PARN: variants seen among roughly 807,000 people sequenced by gnomAD.
PARN encodes the protein poly(A)-specific ribonuclease.
In PARN, 71 loss-of-function variants were observed where a neutral mutation model predicts 102.8. The ratio of observed to expected loss-of-function variants is 0.69; its 90% CI spans 0.57 to 0.84. The LOEUF is 0.84. Ranked by LOEUF, PARN falls within the 40% of genes least tolerant of loss-of-function variation. The pLI is 0.00. For synonymous variants in PARN, 261 were observed against 252.9 expected, an observed-to-expected ratio of 1.03 and a Z score of -0.30; for missense variants, 782 against 760.9, an observed-to-expected ratio of 1.03 and a Z score of -0.33.
chr16:14,625,198 C>CAA (rs912651892), intron 5 of PARN, among the ~76,000 whole-genome samples: 2 of 143,104 alleles, frequency 1.4e-5, no homozygotes, highest in South Asian at 2.2e-4. Flanking sequence ...GAAAATTTAC[C>CAA]AAAAAAAAAA....
chr16:14,544,260 G>A (rs926042265), intron 21 of PARN, among the ~76,000 whole-genome samples: 2 of 152,086 alleles, frequency 1.3e-5, no homozygotes, highest in African/African-American at 2.4e-5. Context: ...TACACAGATA[G>A]GTCTAGAATA....
intron 18 of PARN, among the ~76,000 whole-genome samples, chr16:14,574,482 A>C (rs1168441489): frequency 6.6e-6 from 1 of 152,182 alleles, no homozygotes. Flanking sequence ...TGGGAAGCCA[A>C]GGTGGGCAGA....
At chr16:14,615,066 G>A (rs1423153953) in intron 6 of PARN, among the ~76,000 whole-genome samples, 2 of 151,918 alleles carry the variant, frequency 1.3e-5, no homozygotes, top group Non-Finnish European at 2.9e-5. Flanking sequence ...GAACTTGAGA[G>A]AAGACTGCCG....
intron 22 of PARN, among the ~76,000 whole-genome samples, chr16:14,447,401 A>C (rs1487548025): frequency 6.6e-6 from 1 of 152,248 alleles, no homozygotes; most frequent in East Asian, 1.9e-4. Context: ...AGAATAGTAG[A>C]ATAGAATAGT....
At position 14,446,909 on chromosome 16, in the gene PARN, T is replaced by C. The variant is rs368440052; in HGVS notation, c.1843A>G (p.Lys615Glu). ...RKKAKKLKRM[K>E]KELSPAGSIS... is the part of the protein sequence containing the mutation. ...AAACCTGCTGGAGAAAGCTCCTTCT[T>C]CATTCTTTTTAATTTCTTGGCCTTT... The change falls in exon 23 of 24, where the codon AAG becomes GAG. Residue 615 changes from lysine to glutamate, a missense_variant. Physicochemically the swap from Lys to Glu is moderately conservative, Grantham distance 56. Coordinates refer to ENST00000437198, the MANE Select transcript of PARN (RefSeq NM_002582.4). 104 of 1,613,060 alleles carry C rather than the reference T, an allele frequency of 6.4e-5. No individual in the cohort carries two copies. The African/African-American group carries it at 1.3e-3, about 20-fold the overall frequency.
intron 18 of PARN, among the ~76,000 whole-genome samples, chr16:14,561,400 G>A (rs552105375): frequency 3.2e-4 from 48 of 152,278 alleles, no homozygotes; most frequent in Non-Finnish European, 6.0e-4. Context: ...GAGAATCACC[G>A]AGTTAACAGG....
intron 13 of PARN, among the ~76,000 whole-genome samples, chr16:14,590,837 G>A (rs994683850): frequency 2.6e-5 from 4 of 152,090 alleles, no homozygotes; most frequent in Admixed American, 1.3e-4. Flanking sequence ...TTAAAGGAGG[G>A]TAATCAAAAT....
intron 1 of PARN, 143 bp downstream of exon 1, chr16:14,629,964 A>T: frequency 1.3e-6 from 1 of 753,212 alleles, no homozygotes; most frequent in Non-Finnish European, 2.2e-6. Flanking sequence ...AGACCCCAAG[A>T]GGCGCACCGG....
At chr16:14,451,399 CAGG>C (rs568418175) in intron 22 of PARN, among the ~76,000 whole-genome samples, 6 of 152,138 alleles carry the variant, frequency 3.9e-5, no homozygotes, top group Non-Finnish European at 8.8e-5. Context: ...AGTGCATCAA[CAGG>C]AGAATGGATA....
chr16:14,495,613 G>C (rs1329179933), intron 21 of PARN, among the ~76,000 whole-genome samples: 3 of 152,226 alleles, frequency 2.0e-5, no homozygotes, highest in Non-Finnish European at 4.4e-5. Flanking sequence ...GAGTGAGCGA[G>C]GAACCACGGT....
chr16:14,436,167 C>T lies in PARN; in HGVS notation c.*550G>A, dbSNP rs1434059167. ...CCTCTCATGGGTGGGCATGAGTGGA[C>T]ATCTTCCTGAAGGAAGGACAAGCTT... On this transcript the variant is annotated 3_prime_UTR_variant, in exon 24 of 24. Transcript: ENST00000437198. The T allele has an allele frequency of 6.5e-6, 1 of 154,214 alleles. No homozygotes were observed. The highest frequency in any genetic ancestry group is 1.4e-5 in the Non-Finnish European group (1 of 69,258). 9.6% of individuals were successfully genotyped at this position (154,214 alleles called of 1,614,324 possible).
chr16:14,540,650 A>T (rs2151687092), intron 21 of PARN, among the ~76,000 whole-genome samples: 1 of 152,302 alleles, frequency 6.6e-6, no homozygotes, highest in Admixed American at 6.5e-5. Context: ...GGTGCCAGCC[A>T]GGCACGGTGG....
chr16:14,443,756 C>T (rs1596425727), intron 23 of PARN, among the ~76,000 whole-genome samples: 1 of 152,182 alleles, frequency 6.6e-6, no homozygotes, highest in African/African-American at 2.4e-5. Flanking sequence ...CCTTGGAGAA[C>T]AGAAAATACC....
At chr16:14,554,553 C>G (rs1402113286) in intron 19 of PARN, among the ~76,000 whole-genome samples, 1 of 151,994 alleles carries the variant, frequency 6.6e-6, no homozygotes, top group Non-Finnish European at 1.5e-5. Flanking sequence ...ACCTCAACCT[C>G]CTGAGCAGCT....
intron 21 of PARN, among the ~76,000 whole-genome samples, chr16:14,491,493 G>A (rs1463514580): frequency 6.6e-6 from 1 of 152,182 alleles, no homozygotes; most frequent in Non-Finnish European, 1.5e-5. Flanking sequence ...GCCAGGCATA[G>A]TGGCTCATGC....
intron 13 of PARN, among the ~76,000 whole-genome samples, chr16:14,587,382 A>C (rs893785267): frequency 6.6e-6 from 1 of 152,252 alleles, no homozygotes; most frequent in Non-Finnish European, 1.5e-5. Context: ...GTCTTCTAAA[A>C]GGTCATGCTC....
chr16:14,456,691 C>T (rs959293122), intron 22 of PARN, among the ~76,000 whole-genome samples: 1 of 151,968 alleles, frequency 6.6e-6, no homozygotes. Flanking sequence ...CCCCCAGGTA[C>T]TGCAGCTGGG....
chr16:14,599,421 C>T (rs1970744025), intron 12 of PARN, among the ~76,000 whole-genome samples: 1 of 152,184 alleles, frequency 6.6e-6, no homozygotes, highest in South Asian at 2.1e-4. Context: ...CACATTTACA[C>T]AAATGGCCAA....
chr16:14,627,229 C>T (rs374713080), intron 4 of PARN, 40 bp downstream of exon 4: 1 of 1,575,490 alleles, frequency 6.3e-7, no homozygotes, highest in Non-Finnish European at 8.7e-7. Context: ...GACATTGTGC[C>T]ACAAAAACGG....
Sources: allele counts gnomAD v4.1 joint callset (sites outside exome capture counted in the v4.1 genomes callset), GRCh38; gene constraint gnomAD v4.1.1; transcripts MANE v1.5; gene names NCBI Gene and HGNC (gene_info 2026-07-23, HGNC 2026-07-21).